Variants in MAK observed in about 807,000 individuals in gnomAD.
MAK encodes serine/threonine-protein kinase MAK.
In MAK, 65 loss-of-function variants were observed where a neutral mutation model predicts 82.6. That is an observed-to-expected ratio of 0.79 (90% CI 0.64 to 0.97). The LOEUF is 0.97. Ranked by LOEUF, MAK falls within the 50% of genes least tolerant of loss-of-function variation. MAK has a pLI of 0.00. For missense variants in MAK, 703 were observed against 780.2 expected (o/e 0.90, Z 1.18); for synonymous variants, 250 against 274.2 (o/e 0.91, Z 0.87).
At position 10,820,512 on chromosome 6, in the gene MAK, G is replaced by C. The variant is rs143550690; in HGVS notation, c.102-1572C>G. On this transcript the variant is annotated intron_variant, in intron 2 of 14. Coordinates refer to ENST00000354489, the MANE Select transcript of MAK (RefSeq NM_001242957.3). ...AAATTCCTTAGCTAGCCATACAGTAGAAACTACTGCATAAGAAAAGCATCT... is the reference window on the plus strand; with the variant it reads ...AAATTCCTTAGCTAGCCATACAGTACAAACTACTGCATAAGAAAAGCATCT... Among the ~76,000 whole-genome samples, 34 of 152,188 alleles carry C rather than the reference G, an allele frequency of 2.2e-4. 1 individual carries two copies. The East Asian group carries it at 4.8e-3, about 22-fold the overall frequency.
intron 8 of MAK, among the ~76,000 whole-genome samples, chr6:10,796,767 C>T (rs900018039): frequency 2.0e-5 from 3 of 147,118 alleles, no homozygotes; most frequent in Non-Finnish European, 3.0e-5. Context: ...GATTGTGCCA[C>T]TGCACTTCAA....
At chr6:10,769,062 T>A (rs911429058) in intron 14 of MAK, among the ~76,000 whole-genome samples, 4 of 152,202 alleles carry the variant, frequency 2.6e-5, no homozygotes, top group East Asian at 3.9e-4. Context: ...ACATTTTTTT[T>A]AATTAGCTGG....
chr6:10,830,613 G>A lies in MAK; in HGVS notation c.36C>T (p.Asp12=), dbSNP rs138352622. ...CCATAAGCACACTCCCATACGTGCCGTCCCCCAACTGTCTCATGGTTGTGT... is the reference window on the plus strand; with the variant it reads ...CCATAAGCACACTCCCATACGTGCCATCCCCCAACTGTCTCATGGTTGTGT... ...NRYTTMRQLG[D]GTYGSVLMGK... is the part of the protein sequence containing the mutation. The change falls in exon 2 of 15, where the codon GAC becomes GAT. Residue 12 remains aspartate (D), a synonymous_variant. Coordinates refer to ENST00000354489, the MANE Select transcript of MAK (RefSeq NM_001242957.3). The A allele has an allele frequency of 4.6e-5, 74 of 1,613,920 alleles. No homozygotes were observed. Among genetic ancestry groups the A allele is most frequent in the East Asian group, 6.7e-5 (3 of 44,900 alleles).
intron 1 of MAK, among the ~76,000 whole-genome samples, chr6:10,831,467 C>G (rs1387908263): frequency 6.6e-6 from 1 of 152,066 alleles, no homozygotes; most frequent in Non-Finnish European, 1.5e-5. Context: ...AAATAAGAAA[C>G]ATAGCCGGGC....
intron 14 of MAK, among the ~76,000 whole-genome samples, chr6:10,766,933 G>T (rs749042184): frequency 1.3e-5 from 2 of 152,160 alleles, no homozygotes; most frequent in Non-Finnish European, 2.9e-5. Flanking sequence ...TGCTAAGAAG[G>T]GGGTAGTGTT....
rs374466531 is a variant in MAK at position 10,780,504 on chromosome 6, G to C, written c.1465+3920C>G. 4.8e-5 allele frequency among the ~76,000 whole-genome samples: 7 copies of C among 145,958 alleles called. No homozygotes were observed. The East Asian group carries it at 1.4e-3, about 29-fold the overall frequency. ...AGAGTCTTGTTCTGTTTCCAGGCTG[G>C]AGTGCAGTAGGGCGATCTCAGCTCA... On this transcript the variant is annotated intron_variant, in intron 11 of 14. Coordinates refer to ENST00000354489, the MANE Select transcript of MAK (RefSeq NM_001242957.3).
chr6:10,772,716 TATAG>T (rs1467889059), intron 13 of MAK, among the ~76,000 whole-genome samples: 1 of 152,154 alleles, frequency 6.6e-6, no homozygotes, highest in East Asian at 1.9e-4. Flanking sequence ...ATTCCAGGAA[TATAG>T]ATCGCAAAAT....
intron 10 of MAK, among the ~76,000 whole-genome samples, chr6:10,788,266 A>G (rs895355944): frequency 6.6e-6 from 1 of 152,122 alleles, no homozygotes; most frequent in Admixed American, 6.6e-5. Flanking sequence ...TGCTAGGTTT[A>G]TAAGTATAAG....
chr6:10,822,411 G>A (rs1229862291), intron 2 of MAK, among the ~76,000 whole-genome samples: 4 of 148,766 alleles, frequency 2.7e-5, no homozygotes, highest in Admixed American at 6.7e-5. Context: ...CCGAGATCGC[G>A]CCATTGCACT....
chr6:10,808,705 G>T, intron 6 of MAK, 105 bp downstream of exon 6: 2 of 1,120,506 alleles, frequency 1.8e-6, no homozygotes, highest in Non-Finnish European at 2.7e-6. Context: ...TCAATTCTGT[G>T]TTTTAAATAT....
At chr6:10,829,672 A>C (rs1228395865) in intron 2 of MAK, among the ~76,000 whole-genome samples, 1 of 152,168 alleles carries the variant, frequency 6.6e-6, no homozygotes, top group African/African-American at 2.4e-5. Context: ...AAAAGGAGGC[A>C]CTCATATTTT....
At chr6:10,813,957 A>G (rs1166913898) in intron 4 of MAK, among the ~76,000 whole-genome samples, 1 of 118,268 alleles carries the variant, frequency 8.5e-6, no homozygotes, top group African/African-American at 3.6e-5. Flanking sequence ...TTGCACACAT[A>G]TTAAATAGCT....
At chr6:10,797,762 C>A in intron 8 of MAK, 2 of 1,231,914 alleles carry the variant, frequency 1.6e-6, no homozygotes, top group Non-Finnish European at 2.1e-6. Context: ...TGTGTAAGGG[C>A]AGTTTTTAGA....
intron 9 of MAK, 118 bp from the exon 10 acceptor site, chr6:10,791,965 G>T (rs536526342): frequency 5.9e-6 from 6 of 1,017,128 alleles, no homozygotes; most frequent in South Asian, 1.3e-5. Context: ...TTCCATACAT[G>T]TAAGGGCATA....
chr6:10,796,067 A>G lies in MAK; in HGVS notation c.1074T>C (p.Pro358=). 1 of 1,613,864 alleles carries G rather than the reference A, an allele frequency of 6.2e-7. No homozygotes were observed. The highest frequency in any genetic ancestry group is 2.2e-5 in the East Asian group (1 of 44,858). Residue 358 remains proline, a synonymous_variant, in exon 9 of 15, where the codon CCT becomes CCC. Coordinates refer to ENST00000354489, the MANE Select transcript of MAK (RefSeq NM_001242957.3). ...QPPQNLSVQQ[P]PKQQSQEKPP... is the part of the protein sequence containing the mutation. ...GTTTCTCCTGACTCTGTTGCTTTGG[A>G]GGTTGCTGGACGCTCAGGTTCTGTG...
Position 10,784,541 on chromosome 6 carries a change from G to A in MAK, c.1348C>T (p.His450Tyr), listed in dbSNP as rs1215400811. The A allele has an allele frequency of 6.2e-7, 1 of 1,614,074 alleles. No individual in the cohort carries two copies. Among genetic ancestry groups the A allele is most frequent in the Non-Finnish European group, 8.5e-7 (1 of 1,180,036 alleles). ...LPEPVPSGSN[H>Y]STGENKSLPA... Reference sequence around the variant, plus strand: ...AAGCTCTTGTTTTCCCCTGTCGAGTGGTTGGAGCCTGAGGGTACTGGCTCT... The same window carrying A: ...AAGCTCTTGTTTTCCCCTGTCGAGTAGTTGGAGCCTGAGGGTACTGGCTCT... Residue 450 changes from histidine (H) to tyrosine (Y), a missense_variant, in exon 11 of 15, where the codon CAC becomes TAC. Coordinates refer to ENST00000354489, the MANE Select transcript of MAK (RefSeq NM_001242957.3).
Position 10,796,007 on chromosome 6 carries a change from G to GT in MAK, c.1133dup (p.Asn378LysfsTer5). The GT allele has an allele frequency of 6.2e-7, 1 of 1,613,910 alleles. No homozygotes were observed. ...ATGACTGGCTACTCACAGTTGGCAT[G>GT]TTTTTGACGATGCTCGGGAATAGCG... On this transcript the variant is annotated frameshift_variant, in exon 9 of 15. Transcript: ENST00000354489. LOFTEE classifies it high-confidence loss of function.
At position 10,762,978 on chromosome 6, in the gene MAK, T is replaced by G. The variant is rs1173447305; in HGVS notation, c.*1474A>C. ...AAGATGACACTTATTACAATAGCAG[T>G]TGTTACAAAGTCACAAAATACATAA... On this transcript the variant is annotated 3_prime_UTR_variant, in exon 15 of 15. Transcript: ENST00000354489. 3 of 152,606 alleles carry G rather than the reference T, an allele frequency of 2.0e-5. No homozygotes were observed. Among genetic ancestry groups the G allele is most frequent in the Non-Finnish European group, 4.4e-5 (3 of 68,034 alleles). 9.5% of individuals were successfully genotyped at this position (152,606 alleles called of 1,614,324 possible).
Position 10,808,815 on chromosome 6 carries a change from G to A in MAK, c.486C>T (p.Thr162=). The A allele has an allele frequency of 6.2e-7, 1 of 1,613,810 alleles. No individual in the cohort carries two copies. The highest frequency in any genetic ancestry group is 8.5e-7 in the Non-Finnish European group (1 of 1,179,922). Residue 162 remains threonine, a synonymous_variant, in exon 6 of 15, where the codon ACC becomes ACT. Transcript: ENST00000354489. ...SQPPYTDYVS[T]RWYRAPEVLL... ...GCTGCATAACCCCTACTCACCATCT[G>A]GTAGATACATAATCAGTGTATGGTG...
Sources: gnomAD v4.1 joint callset for allele counts (sites outside exome capture counted in the v4.1 genomes callset) on GRCh38, gnomAD v4.1.1 for gene constraint, MANE v1.5 for transcripts, NCBI Gene and HGNC (gene_info 2026-07-23, HGNC 2026-07-21) for gene names.